CHFR: variants seen among roughly 807,000 people sequenced by gnomAD.
CHFR encodes the protein checkpoint with forkhead and ring finger domains, also known as E3 ubiquitin-protein ligase CHFR.
Under a neutral mutation model 87.6 loss-of-function variants are expected in CHFR, and 57 were observed. The ratio of observed to expected loss-of-function variants is 0.65; its 90% CI spans 0.53 to 0.81. The LOEUF (loss-of-function observed/expected upper bound fraction) is 0.81, where lower values mean the gene tolerates loss of function less well. Ranked by LOEUF, CHFR falls within the 30% of genes least tolerant of loss-of-function variation. The pLI, the probability that CHFR is intolerant of heterozygous loss-of-function variation, is 0.00. For missense variants in CHFR, 797 were observed against 865.8 expected (o/e 0.92, Z 1.00); for synonymous variants, 381 against 359.2 (o/e 1.06, Z -0.69).
At chr12:132,859,522 G>C (rs1035910646) in intron 7 of CHFR, among the ~76,000 whole-genome samples, 1 of 151,850 alleles carries the variant, frequency 6.6e-6, no homozygotes, top group South Asian at 2.1e-4. Flanking sequence ...GGCTAATTTT[G>C]TGTATTTTTA....
Position 132,856,560 on chromosome 12 carries a change from C to T in CHFR, c.1137G>A (p.Gln379=), listed in dbSNP as rs763498728. Residue 379 remains glutamine (Q), a synonymous_variant, in exon 10 of 18, where the codon CAG becomes CAA. Coordinates refer to ENST00000450056, the MANE Select transcript of CHFR (RefSeq NM_001161346.2). ...ARNKITQDML[Q]PKVRRSFSDE... is the part of the protein sequence containing the mutation. The stretch of plus-strand genomic sequence containing the variant: ...CAGAAAAAGACCGCCTGACTTTGGG[C>T]TGCAGCATGTCTTGAGTGATTTTAT... 1 of 1,614,206 alleles carries T rather than the reference C, an allele frequency of 6.2e-7. No homozygotes were observed. Among genetic ancestry groups the T allele is most frequent in the Admixed American group, 1.7e-5 (1 of 60,036 alleles).
At chr12:132,845,050 A>G (rs12371351) in intron 15 of CHFR, among the ~76,000 whole-genome samples, 31,380 of 151,172 alleles carry the variant, frequency 0.21, 3,466 homozygotes, top group African/African-American at 0.27. Context: ...GGATTTGTAC[A>G]TTTGGCTATC....
At position 132,877,600 on chromosome 12, in the gene CHFR, A is replaced by G. The variant is rs750466757; in HGVS notation, c.188T>C (p.Ile63Thr). ...CTGACCTGATTTTTCATCCACTACAATTCTACAGTGATCTCCAGAGACCAG... is the reference window on the plus strand; with the variant it reads ...CTGACCTGATTTTTCATCCACTACAGTTCTACAGTGATCTCCAGAGACCAG... ...NKLVSGDHCR[I>T]VVDEKSGQVT... is the part of the protein sequence containing the mutation. Residue 63 changes from isoleucine to threonine, a missense_variant, in exon 3 of 18, where the codon ATT (isoleucine) becomes ACT (threonine). Ile to Thr is a moderately conservative substitution (Grantham distance 89). Transcript: ENST00000450056. The G allele has an allele frequency of 1.9e-6, 3 of 1,613,656 alleles. No individual in the cohort carries two copies. In the South Asian group the frequency reaches 3.3e-5, roughly 18 times the overall value.
chr12:132,877,090 C>T (rs112509379), intron 3 of CHFR, among the ~76,000 whole-genome samples: 1,545 of 152,182 alleles, frequency 0.01, 17 homozygotes, highest in African/African-American at 0.034. Flanking sequence ...CCACCGCGCC[C>T]GGGCTGATAA....
At position 132,832,592 on chromosome 12, in the gene CHFR, T is replaced by C. The variant is rs1324288500; in HGVS notation, c.*8962A>G. 1 of 152,200 alleles carries C rather than the reference T, an allele frequency of 6.6e-6. No homozygotes were observed. The highest frequency in any genetic ancestry group is 1.5e-5 in the Non-Finnish European group (1 of 68,042). The allele number at this position is 152,200 out of a possible 1,614,324, so 9.4% of individuals were successfully genotyped here. A position where few individuals can be genotyped will look rare whatever the true frequency, so the allele number is the denominator to read the frequency against. On this transcript the variant is annotated 3_prime_UTR_variant, in exon 18 of 18. Transcript: ENST00000450056. ...AATATCAAGGTACTCCATAAATATA[T>C]ACACCTTTTATGTACCCACAGTAAT...
chr12:132,862,313 G>A (rs1951229259), intron 6 of CHFR: 1 of 283,910 alleles, frequency 3.5e-6, no homozygotes, highest in African/African-American at 2.3e-5. Context: ...GAGGTCTGAG[G>A]CTGGGCATGG....
Position 132,839,500 on chromosome 12 carries a change from T to C in CHFR, c.*2054A>G, listed in dbSNP as rs551161492. 2.7e-4 allele frequency: 24 copies of C among 87,910 alleles called. No individual in the cohort carries two copies. Among genetic ancestry groups the C allele is most frequent in the Middle Eastern group, 8.9e-3 (1 of 112 alleles). The allele number at this position is 87,910 out of a possible 1,614,324, so 5.4% of individuals were successfully genotyped here. A position where few individuals can be genotyped will look rare whatever the true frequency, so the allele number is the denominator to read the frequency against. Reference sequence around the variant, plus strand: ...AAGGACCTCCCCTCTCAGCCTCGCCTCTGCACAAACTCAGGACCTCCCCTC... The same window carrying C: ...AAGGACCTCCCCTCTCAGCCTCGCCCCTGCACAAACTCAGGACCTCCCCTC... On this transcript the variant is annotated 3_prime_UTR_variant, in exon 18 of 18. Transcript: ENST00000450056.
intron 7 of CHFR, 36 bp from the exon 8 acceptor site, chr12:132,859,263 GA>G (rs1951159208): frequency 6.3e-7 from 1 of 1,585,324 alleles, no homozygotes; most frequent in Non-Finnish European, 8.6e-7. Context: ...TCGTAACCAA[GA>G]AGGAAATACA....
intron 6 of CHFR, among the ~76,000 whole-genome samples, chr12:132,869,283 G>A (rs1032840402): frequency 1.3e-5 from 2 of 151,962 alleles, no homozygotes; most frequent in African/African-American, 2.4e-5. Flanking sequence ...GGTGGGCACC[G>A]GTTTCCTTTT....
chr12:132,847,165 T>C, intron 14 of CHFR, 35 bp from the exon 15 acceptor site: 1 of 1,611,270 alleles, frequency 6.2e-7, no homozygotes, highest in Non-Finnish European at 8.5e-7. Context: ...TAAGAAATAC[T>C]CGTTTAGAGG....
chr12:132,854,260 C>T (rs1056704798), intron 10 of CHFR: 17 of 152,192 alleles, frequency 1.1e-4, no homozygotes, highest in African/African-American at 4.1e-4. Context: ...TCCTTCTAAA[C>T]TGGCAAAAAG....
chr12:132,857,011 ACG>A (rs1951089447), intron 9 of CHFR, among the ~76,000 whole-genome samples: 3 of 90,394 alleles, frequency 3.3e-5, no homozygotes, highest in Non-Finnish European at 6.5e-5. Context: ...GGATGCCCTC[ACG>A]TGCCTGGGTG....
At chr12:132,872,415 A>T (rs778361905) in intron 3 of CHFR, 21 bp from the exon 4 acceptor site, 2 of 1,550,012 alleles carry the variant, frequency 1.3e-6, no homozygotes, top group African/African-American at 2.7e-5. Flanking sequence ...ACAAAAACAC[A>T]ATTTATTCTA....
intron 15 of CHFR, among the ~76,000 whole-genome samples, chr12:132,845,482 A>C: frequency 6.6e-6 from 1 of 151,194 alleles, no homozygotes; most frequent in African/African-American, 2.4e-5. Context: ...ATAAATAAAT[A>C]AAAATAAAAA....
At chr12:132,862,445 GA>G (rs751902652) in intron 6 of CHFR, 25 of 444,566 alleles carry the variant, frequency 5.6e-5, no homozygotes, top group East Asian at 7.1e-5. Context: ...ATACAAAAAA[GA>G]AAAAAAAATT....
At chr12:132,880,827 T>C (rs1016288363) in intron 2 of CHFR, among the ~76,000 whole-genome samples, 1 of 150,172 alleles carries the variant, frequency 6.7e-6, no homozygotes, top group Non-Finnish European at 1.5e-5. Flanking sequence ...TAGCCAGGCA[T>C]GGTGGCGGGC....
In CHFR at chr12:132,862,597, AT is replaced by A. The variant is rs545381751; in HGVS notation, c.584-964del. ...AACCTGCACAACAGAGCAAGACCTC[AT>A]TTTTTTTTTTGAGACGGACTCTTGC... On this transcript the variant is annotated intron_variant, in intron 6 of 17. Coordinates refer to ENST00000450056, the MANE Select transcript of CHFR (RefSeq NM_001161346.2). Among the ~76,000 whole-genome samples, 99 of 147,184 alleles carry A rather than the reference AT, an allele frequency of 6.7e-4. 1 individual carries two copies. The South Asian group carries it at 7.4e-3, about 11-fold the overall frequency.
At chr12:132,874,399 G>C (rs1321844828) in intron 3 of CHFR, among the ~76,000 whole-genome samples, 1 of 151,224 alleles carries the variant, frequency 6.6e-6, no homozygotes, top group Non-Finnish European at 1.5e-5. Context: ...GGAACAGGTA[G>C]AAAGGCCCAG....
rs1258850426 is a variant in CHFR at position 132,851,621 on chromosome 12, G to A, written c.1489C>T (p.Gln497Ter). The A allele has an allele frequency of 6.2e-7, 1 of 1,610,590 alleles. No homozygotes were observed. Among genetic ancestry groups the A allele is most frequent in the Non-Finnish European group, 8.5e-7 (1 of 1,179,014 alleles). Residue 497 changes from glutamine (Q) to a stop codon, truncating the protein, a stop_gained, in exon 12 of 18, where the codon CAG (glutamine) becomes TAG (stop). Coordinates refer to ENST00000450056, the MANE Select transcript of CHFR (RefSeq NM_001161346.2). LOFTEE classifies it high-confidence loss of function. ...GTGCGGTGGCGCGGGCACTCACACTGCTGAGGGGCGACACGCGGGTCCTGC... is the reference window on the plus strand; with the variant it reads ...GTGCGGTGGCGCGGGCACTCACACTACTGAGGGGCGACACGCGGGTCCTGC... ...REQDPRVAPQQCAVCLQPFCH... is the reference protein window; with the variant it reads ...REQDPRVAPQ
Sources: allele counts gnomAD v4.1 joint callset (sites outside exome capture counted in the v4.1 genomes callset), GRCh38; gene constraint gnomAD v4.1.1; transcripts MANE v1.5; gene names NCBI Gene and HGNC (gene_info 2026-07-23, HGNC 2026-07-21).